CNTNAP5: variants seen among roughly 807,000 people sequenced by gnomAD.
CNTNAP5 encodes contactin associated protein family member 5, also known as contactin-associated protein-like 5.
Under a neutral mutation model 150.2 loss-of-function variants are expected in CNTNAP5, and 72 were observed. The ratio of observed to expected loss-of-function variants is 0.48; its 90% CI spans 0.40 to 0.58. The LOEUF is 0.58. CNTNAP5 is among the 20% of genes least tolerant of loss of function. The pLI, the probability that CNTNAP5 is intolerant of heterozygous loss-of-function variation, is 0.00. For synonymous variants in CNTNAP5, 672 were observed against 619.8 expected (o/e 1.08, Z -1.25); for missense variants, 1,636 against 1,626.2 (o/e 1.01, Z -0.10).
At chr2:124,410,691 G>C (rs1377487715) in intron 3 of CNTNAP5, among the ~76,000 whole-genome samples, 1 of 151,566 alleles carries the variant, frequency 6.6e-6, no homozygotes, top group Non-Finnish European at 1.5e-5. Flanking sequence ...CGAGAACAAA[G>C]ACACAACATA....
intron 10 of CNTNAP5, among the ~76,000 whole-genome samples, chr2:124,531,809 G>C (rs911382074): frequency 1.3e-5 from 2 of 152,034 alleles, no homozygotes; most frequent in African/African-American, 4.8e-5. Context: ...TCCAATTGTC[G>C]ACCTAAAAGG....
intron 13 of CNTNAP5, among the ~76,000 whole-genome samples, chr2:124,656,506 C>T (rs961897253): frequency 2.6e-5 from 4 of 152,176 alleles, no homozygotes; most frequent in African/African-American, 9.7e-5. Context: ...TAGTAATTTA[C>T]TCTTGGTATT....
chr2:124,606,023 T>G (rs1401151353), intron 11 of CNTNAP5, among the ~76,000 whole-genome samples: 2 of 152,140 alleles, frequency 1.3e-5, no homozygotes, highest in African/African-American at 2.4e-5. Flanking sequence ...TACCTGAACA[T>G]TTTGGTAGAT....
chr2:124,712,140 G>T (rs927068879), intron 13 of CNTNAP5, among the ~76,000 whole-genome samples: 7 of 152,088 alleles, frequency 4.6e-5, no homozygotes, highest in African/African-American at 1.2e-4. Flanking sequence ...CATTAATTTA[G>T]ACCAGTTATG....
intron 2 of CNTNAP5, among the ~76,000 whole-genome samples, chr2:124,234,364 T>C (rs1227161810): frequency 1.3e-5 from 2 of 152,204 alleles, no homozygotes; most frequent in Admixed American, 6.5e-5. Context: ...GATGGAAATA[T>C]GTGTAAGTGT....
intron 3 of CNTNAP5, among the ~76,000 whole-genome samples, chr2:124,287,098 A>G (rs926467851): frequency 2.0e-5 from 3 of 152,162 alleles, no homozygotes; most frequent in African/African-American, 7.2e-5. Context: ...CACTCGCTCA[A>G]AGGTCAATAG....
chr2:124,314,877 T>C (rs1688925191), intron 3 of CNTNAP5, among the ~76,000 whole-genome samples: 1 of 152,148 alleles, frequency 6.6e-6, no homozygotes, highest in Non-Finnish European at 1.5e-5. Flanking sequence ...ATGGTCTTAG[T>C]GTCGGTTGCA....
intron 6 of CNTNAP5, among the ~76,000 whole-genome samples, chr2:124,471,768 C>T (rs569804076): frequency 3.3e-5 from 5 of 151,982 alleles, no homozygotes; most frequent in African/African-American, 1.2e-4. Context: ...CAGTTTTTAA[C>T]ATGAAGGGAT....
intron 11 of CNTNAP5, among the ~76,000 whole-genome samples, chr2:124,605,231 T>G (rs1209894414): frequency 6.6e-6 from 1 of 152,228 alleles, no homozygotes; most frequent in Non-Finnish European, 1.5e-5. Context: ...ACTAAATGGC[T>G]GGCCTGCAGA....
intron 13 of CNTNAP5, among the ~76,000 whole-genome samples, chr2:124,678,996 C>T (rs1558732523): frequency 6.6e-6 from 1 of 151,864 alleles, no homozygotes; most frequent in Non-Finnish European, 1.5e-5. Flanking sequence ...ATAGGATAGG[C>T]AGGGCATAGT....
chr2:124,714,041 T>C (rs950715530), intron 13 of CNTNAP5, among the ~76,000 whole-genome samples: 3 of 152,184 alleles, frequency 2.0e-5, no homozygotes, highest in African/African-American at 7.2e-5. Flanking sequence ...GGCTCTTTTT[T>C]TCCCCCCAAA....
intron 13 of CNTNAP5, among the ~76,000 whole-genome samples, chr2:124,707,177 GAAGAAGAAGAAGA>G (rs2105099041): frequency 7.4e-6 from 1 of 134,398 alleles, no homozygotes; most frequent in Admixed American, 7.4e-5. Flanking sequence ...AGAAGAAGAA[GAAGAAGAAGAAGA>G]AGAAGAAGAA....
chr2:124,490,397 G>A (rs1346413383), intron 7 of CNTNAP5, among the ~76,000 whole-genome samples: 1 of 149,218 alleles, frequency 6.7e-6, no homozygotes, highest in Non-Finnish European at 1.5e-5. Context: ...GAGGGAGGGA[G>A]GGAGAAAGGA....
chr2:124,823,526 C>T (rs1199116031), intron 19 of CNTNAP5, among the ~76,000 whole-genome samples: 3 of 152,098 alleles, frequency 2.0e-5, no homozygotes, highest in African/African-American at 7.2e-5. Flanking sequence ...TTATTGCAAA[C>T]CAGCCATGAC....
chr2:124,749,464 G>A (rs186334233), intron 14 of CNTNAP5, among the ~76,000 whole-genome samples: 79 of 150,178 alleles, frequency 5.3e-4, no homozygotes, highest in African/African-American at 1.7e-3. Context: ...TTGCTCTGTC[G>A]CCCAGGCTGG....
chr2:124,025,563 G>T lies in CNTNAP5; in HGVS notation c.-88G>T. ...AGCGGGGGTGGGAGGGGGTCAGGCTGTGCAGAGGAGAGAGACAGCGAGAAG... is the reference window on the plus strand; with the variant it reads ...AGCGGGGGTGGGAGGGGGTCAGGCTTTGCAGAGGAGAGAGACAGCGAGAAG... On this transcript the variant is annotated 5_prime_UTR_variant, in exon 1 of 24. Transcript: ENST00000682447. The T allele has an allele frequency of 8.6e-7, 1 of 1,166,812 alleles. No homozygotes were observed. The allele number at this position is 1,166,812 out of a possible 1,614,324, so 72.3% of individuals were successfully genotyped here. A position where few individuals can be genotyped will look rare whatever the true frequency, so the allele number is the denominator to read the frequency against.
intron 3 of CNTNAP5, among the ~76,000 whole-genome samples, chr2:124,340,330 G>A (rs1449807562): frequency 2.0e-5 from 3 of 152,136 alleles, no homozygotes; most frequent in Non-Finnish European, 2.9e-5. Context: ...ATGTGCACTG[G>A]AAACATACAA....
At chr2:124,725,959 C>T (rs565082075) in intron 13 of CNTNAP5, among the ~76,000 whole-genome samples, 44 of 151,208 alleles carry the variant, frequency 2.9e-4, no homozygotes, top group Non-Finnish European at 5.2e-4. Context: ...GGTATATATG[C>T]GTGTGTGTAT....
chr2:124,242,148 C>G lies in CNTNAP5; in HGVS notation c.188-52C>G, dbSNP rs574701074. On this transcript the variant is annotated intron_variant, in intron 2 of 23. Transcript: ENST00000682447. ...TCCCTTTGATAGTTGAAAATTGTAGCTATGTGAGACATTACTACAACTCTC... is the reference window on the plus strand; with the variant it reads ...TCCCTTTGATAGTTGAAAATTGTAGGTATGTGAGACATTACTACAACTCTC... 8.2e-5 allele frequency: 112 copies of G among 1,363,786 alleles called. No homozygotes were observed. In the African/African-American group the frequency reaches 1.4e-3, roughly 17 times the overall value. The allele number at this position is 1,363,786 out of a possible 1,614,324, so 84.5% of individuals were successfully genotyped here.
Sources: allele counts gnomAD v4.1 joint callset (sites outside exome capture counted in the v4.1 genomes callset), GRCh38; gene constraint gnomAD v4.1.1; transcripts MANE v1.5; gene names NCBI Gene and HGNC (gene_info 2026-07-23, HGNC 2026-07-21).